Variants in SLC35E2B observed in about 807,000 individuals in gnomAD.
SLC35E2B encodes the protein solute carrier family 35, member E2B.
A neutral mutation model predicts 32.4 loss-of-function variants in SLC35E2B; 18 were observed. That is an observed-to-expected ratio of 0.56 (90% CI 0.38 to 0.82). SLC35E2B has a LOEUF of 0.82. Ranked by LOEUF, SLC35E2B falls within the 40% of genes least tolerant of loss-of-function variation. The pLI, the probability that SLC35E2B is intolerant of heterozygous loss-of-function variation, is 0.00. For missense variants in SLC35E2B, 263 were observed against 469.5 expected, an observed-to-expected ratio of 0.56 and a Z score of 4.06; for synonymous variants, 132 against 209.1, an observed-to-expected ratio of 0.63 and a Z score of 3.18.
chr1:1,665,058 T>C lies in SLC35E2B; in HGVS notation c.*724A>G. Reference sequence around the variant, plus strand: ...AGGGTGCCCTGGGGTTGCGGGGAGCTCACGCAGCCCAGGGTGTGGAAGGGA... The same window carrying C: ...AGGGTGCCCTGGGGTTGCGGGGAGCCCACGCAGCCCAGGGTGTGGAAGGGA... On this transcript the variant is annotated 3_prime_UTR_variant, in exon 10 of 10. Coordinates refer to ENST00000617444, the MANE Select transcript of SLC35E2B (RefSeq NM_001290264.2). The C allele has an allele frequency of 1.4e-6, 1 of 730,792 alleles. No individual in the cohort carries two copies. Among genetic ancestry groups the C allele is most frequent in the East Asian group, 1.3e-4 (1 of 7,602 alleles). 45.3% of individuals were successfully genotyped at this position (730,792 alleles called of 1,614,324 possible).
chr1:1,687,862 A>G (rs1643970631), intron 2 of SLC35E2B, among the ~76,000 whole-genome samples: 1 of 152,098 alleles, frequency 6.6e-6, no homozygotes, highest in Non-Finnish European at 1.5e-5. Context: ...CCACTGTACT[A>G]CAGGCTGGGC....
At chr1:1,689,327 A>G (rs986966536) in intron 2 of SLC35E2B, among the ~76,000 whole-genome samples, 2 of 151,900 alleles carry the variant, frequency 1.3e-5, no homozygotes, top group Non-Finnish European at 2.9e-5. Flanking sequence ...GTACACAAAC[A>G]GCGACAATTA....
At chr1:1,687,342 T>A (rs1643964382) in intron 2 of SLC35E2B, among the ~76,000 whole-genome samples, 1 of 151,804 alleles carries the variant, frequency 6.6e-6, no homozygotes, top group Non-Finnish European at 1.5e-5. Context: ...TTTGGGAGGC[T>A]GAGGCAGGCG....
Position 1,671,588 on chromosome 1 carries a change from G to A in SLC35E2B, c.628C>T (p.Leu210=). The A allele has an allele frequency of 6.5e-7, 1 of 1,549,220 alleles. No individual in the cohort carries two copies. The highest frequency in any genetic ancestry group is 8.7e-7 in the Non-Finnish European group (1 of 1,145,976). ...NLSLIPVMGG[L]ALCTATEISF... ...ATCTCAGTGGCCGTGCACAGCGCCA[G>A]CCCGCCCATGACTGGGATGAGGGAG... Residue 210 remains leucine (L), a synonymous_variant, in exon 6 of 10, where the codon CTG becomes TTG. Transcript: ENST00000617444.
In SLC35E2B at chr1:1,687,590, C is replaced by G. The variant is rs1276915752; in HGVS notation, c.-148+3386G>C. 2.6e-5 allele frequency among the ~76,000 whole-genome samples: 4 copies of G among 152,024 alleles called. No homozygotes were observed. In the East Asian group the frequency reaches 5.8e-4, roughly 22 times the overall value. The stretch of plus-strand genomic sequence containing the variant: ...CTACTAAAAATACAAAAAAAATTAG[C>G]CAGACATGGTGGCAGGCGCCTGTAG... On this transcript the variant is annotated intron_variant, in intron 2 of 9. Coordinates refer to ENST00000617444, the MANE Select transcript of SLC35E2B (RefSeq NM_001290264.2).
chr1:1,678,451 C>T (rs1643872194), intron 2 of SLC35E2B, among the ~76,000 whole-genome samples: 1 of 152,034 alleles, frequency 6.6e-6, no homozygotes, highest in Non-Finnish European at 1.5e-5. Context: ...TCCTCTCTCT[C>T]CTCCCCTCCC....
At chr1:1,684,233 C>CCA (rs1643925450) in intron 2 of SLC35E2B, among the ~76,000 whole-genome samples, 1 of 152,180 alleles carries the variant, frequency 6.6e-6, no homozygotes, top group Admixed American at 6.5e-5. Flanking sequence ...GTGCTGACAC[C>CCA]CACATCAGTG....
In SLC35E2B at chr1:1,668,585, T is replaced by G. The variant is rs562767049; in HGVS notation, c.835-113A>C. ...AGAAACTGGGTAAAGCTGCTGCCACTGAGGACAGCCCTGAAAATGCCTCGA... is the reference window on the plus strand; with the variant it reads ...AGAAACTGGGTAAAGCTGCTGCCACGGAGGACAGCCCTGAAAATGCCTCGA... On this transcript the variant is annotated intron_variant, in intron 8 of 9. Transcript: ENST00000617444. The G allele has an allele frequency of 7.5e-6, 12 of 1,595,544 alleles. No homozygotes were observed. In the East Asian group the frequency reaches 2.5e-4, roughly 33 times the overall value.
At chr1:1,673,528 T>C (rs1643758485) in intron 5 of SLC35E2B, 2 of 224,086 alleles carry the variant, frequency 8.9e-6, no homozygotes, top group Non-Finnish European at 9.1e-6. Flanking sequence ...ATTAGCTGGG[T>C]GTGGGGCCAC....
At chr1:1,678,272 C>T (rs535408576) in intron 2 of SLC35E2B, among the ~76,000 whole-genome samples, 48 of 151,984 alleles carry the variant, frequency 3.2e-4, no homozygotes, top group Non-Finnish European at 4.7e-4. Flanking sequence ...GAGGGACGCA[C>T]GCCACCCCCT....
chr1:1,665,601 A>C lies in SLC35E2B; in HGVS notation c.*181T>G. 4 of 941,288 alleles carry C rather than the reference A, an allele frequency of 4.2e-6. No homozygotes were observed. Among genetic ancestry groups the C allele is most frequent in the African/African-American group, 1.7e-5 (1 of 60,190 alleles). 58.3% of individuals were successfully genotyped at this position (941,288 alleles called of 1,614,324 possible). On this transcript the variant is annotated 3_prime_UTR_variant, in exon 10 of 10. Transcript: ENST00000617444. ...CTGGTCTCTACTCCAGGAAGCTGAT[A>C]CCTGGAATCCCCAGTTTGAGTTTCT... is the stretch of plus-strand genomic sequence containing the variant.
chr1:1,688,799 G>A (rs112322326), intron 2 of SLC35E2B, among the ~76,000 whole-genome samples: 131 of 152,246 alleles, frequency 8.6e-4, no homozygotes, highest in African/African-American at 2.6e-3. Context: ...GGCGGCAGCC[G>A]TCCTCCCAAG....
intron 2 of SLC35E2B, among the ~76,000 whole-genome samples, chr1:1,689,768 C>T (rs1360914149): frequency 6.6e-6 from 1 of 151,284 alleles, no homozygotes; most frequent in East Asian, 1.9e-4. Flanking sequence ...GGGCGGATCA[C>T]TTGAGGTCGG....
intron 2 of SLC35E2B, among the ~76,000 whole-genome samples, chr1:1,686,721 A>G (rs574498847): frequency 1.3e-5 from 2 of 151,868 alleles, no homozygotes; most frequent in South Asian, 4.1e-4. Context: ...AGCCGAGATC[A>G]TGCCACCACA....
At position 1,692,484 on chromosome 1, in the gene SLC35E2B, G is replaced by A. The variant is rs2101125739; in HGVS notation, c.-601C>T. On this transcript the variant is annotated 5_prime_UTR_variant, in exon 1 of 10. Transcript: ENST00000617444. ...ATGCAGTCTCCGCCGCAGGCATAGCGCTAGGCCCCGGCGCCTTCACAACAA... is the reference window on the plus strand; with the variant it reads ...ATGCAGTCTCCGCCGCAGGCATAGCACTAGGCCCCGGCGCCTTCACAACAA... The A allele has an allele frequency of 1.0e-6, 1 of 985,834 alleles. No homozygotes were observed. The highest frequency in any genetic ancestry group is 1.2e-6 in the Non-Finnish European group (1 of 830,360). 61.1% of individuals were successfully genotyped at this position (985,834 alleles called of 1,614,324 possible). A position where few individuals can be genotyped will look rare whatever the true frequency, so the allele number is the denominator to read the frequency against.
chr1:1,671,407 G>T, intron 6 of SLC35E2B, 102 bp downstream of exon 6: 2 of 1,256,510 alleles, frequency 1.6e-6, no homozygotes, highest in Non-Finnish European at 2.1e-6. Context: ...CACCTGCTTT[G>T]GCTCACGGGA....
intron 2 of SLC35E2B, among the ~76,000 whole-genome samples, chr1:1,678,466 C>T (rs1643872408): frequency 6.6e-6 from 1 of 152,034 alleles, no homozygotes; most frequent in South Asian, 2.1e-4. Flanking sequence ...CCTCCCCCTG[C>T]TGTGTGTGTC....
At chr1:1,673,609 G>A (rs1207419301) in intron 5 of SLC35E2B, among the ~76,000 whole-genome samples, 1 of 152,092 alleles carries the variant, frequency 6.6e-6, no homozygotes, top group Non-Finnish European at 1.5e-5. Flanking sequence ...GGCAGAGGCT[G>A]CAGTGAGCCA....
intron 2 of SLC35E2B, among the ~76,000 whole-genome samples, chr1:1,678,484 C>T (rs1045021391): frequency 6.6e-6 from 1 of 152,038 alleles, no homozygotes; most frequent in East Asian, 1.9e-4. Context: ...GTCTGTGCAC[C>T]CAGGTCTCCC....
Sources: gnomAD v4.1 joint callset for allele counts (sites outside exome capture counted in the v4.1 genomes callset) on GRCh38, gnomAD v4.1.1 for gene constraint, MANE v1.5 for transcripts, NCBI Gene and HGNC (gene_info 2026-07-23, HGNC 2026-07-21) for gene names.